The following FGF13 variants were observed in gnomAD, a reference collection of about 807,000 sequenced individuals.
The protein encoded by FGF13 is fibroblast growth factor homologous factor 2.
A neutral mutation model predicts 19.5 loss-of-function variants in FGF13; 2 were observed. The observed-to-expected ratio is 0.10, with a 90% CI of 0.04 to 0.32. The LOEUF (loss-of-function observed/expected upper bound fraction) is 0.32, where lower values mean the gene tolerates loss of function less well. FGF13 is among the 10% of genes least tolerant of loss of function. The pLI, the probability that FGF13 is intolerant of heterozygous loss-of-function variation, is 1.00. For missense variants in FGF13, 113 were observed against 192.7 expected, an observed-to-expected ratio of 0.59 and a Z score of 2.45; for synonymous variants, 72 against 76.9, an observed-to-expected ratio of 0.94 and a Z score of 0.33.
At chrX:138,897,756 G>C (rs1334028702) in intron 1 of FGF13, among the ~76,000 whole-genome samples, 1 of 111,688 alleles carries the variant, frequency 9.0e-6, no homozygotes, top group African/African-American at 3.3e-5. Flanking sequence ...ATGAGTCTCA[G>C]CCCTCACACC....
At chrX:138,882,717 A>C (rs2091433541) in intron 1 of FGF13, among the ~76,000 whole-genome samples, 2 of 111,777 alleles carry the variant, frequency 1.8e-5, no homozygotes, top group African/African-American at 6.5e-5. Flanking sequence ...AGTGCAGTAG[A>C]CCAGTGATTC....
chrX:139,018,874 A>C (rs2124381553), intron 1 of FGF13, among the ~76,000 whole-genome samples: 1 of 110,276 alleles, frequency 9.1e-6, no homozygotes, highest in East Asian at 2.9e-4. Flanking sequence ...GGTTTTTAGT[A>C]TCTTCACAGA....
chrX:139,167,198 C>T (rs1010873460), intron 1 of FGF13, among the ~76,000 whole-genome samples: 22 of 111,931 alleles, frequency 2.0e-4, no homozygotes, highest in Admixed American at 9.6e-4. Context: ...ACGGAAGCAC[C>T]TGACAAAGTA....
chrX:138,733,825 C>A (rs1344253929), intron 1 of FGF13, among the ~76,000 whole-genome samples: 1 of 109,894 alleles, frequency 9.1e-6, no homozygotes, highest in Non-Finnish European at 1.9e-5. Context: ...AGCCAAGAGA[C>A]TGTTTAACAA....
At chrX:138,671,503 T>G (rs2089611198) in intron 3 of FGF13, among the ~76,000 whole-genome samples, 1 of 111,892 alleles carries the variant, frequency 8.9e-6, no homozygotes, top group Non-Finnish European at 1.9e-5. Flanking sequence ...AATTAAATAT[T>G]GTAGGCAACA....
chrX:139,172,765 G>C (rs139706654), intron 1 of FGF13, among the ~76,000 whole-genome samples: 1 of 111,423 alleles, frequency 9.0e-6, no homozygotes, highest in Non-Finnish European at 1.9e-5. Flanking sequence ...CTCAAATCAG[G>C]ATACAAATTT....
At chrX:138,698,687 T>C (rs1478949889) in intron 3 of FGF13, among the ~76,000 whole-genome samples, 3 of 111,863 alleles carry the variant, frequency 2.7e-5, no homozygotes, top group African/African-American at 9.7e-5. Flanking sequence ...GGTCCAAATG[T>C]AACACAAAGA....
intron 3 of FGF13, among the ~76,000 whole-genome samples, chrX:138,794,903 A>C (rs2090767702): frequency 2.7e-5 from 3 of 112,110 alleles, no homozygotes; most frequent in Non-Finnish European, 5.6e-5. Flanking sequence ...GTTTGTCCTT[A>C]ACTGAAGAGG....
At chrX:138,822,709 A>C (rs1423812157) in intron 3 of FGF13, among the ~76,000 whole-genome samples, 2 of 112,512 alleles carry the variant, frequency 1.8e-5, no homozygotes, top group Non-Finnish European at 3.7e-5. Flanking sequence ...AATTTCAAAA[A>C]TAAAGAATCT....
intron 3 of FGF13, among the ~76,000 whole-genome samples, chrX:138,702,491 T>C (rs970234427): frequency 8.9e-6 from 1 of 112,102 alleles, no homozygotes; most frequent in African/African-American, 3.2e-5. Context: ...TAAATAGTGC[T>C]TATATTTAAA....
At position 138,624,311 on chromosome X, in the gene FGF13, A is replaced by C. The variant is rs1602629426; in HGVS notation, c.*8539T>G. ...CAAATCTTCAACAAAGGCACTAAAA[A>C]CACATCATGGGGAAATATAGTCCAT... is the stretch of plus-strand genomic sequence containing the variant. On this transcript the variant is annotated 3_prime_UTR_variant, in exon 5 of 5. Transcript: ENST00000315930. The C allele has an allele frequency of 8.9e-6, 1 of 111,981 alleles. No homozygotes were observed. Among genetic ancestry groups the C allele is most frequent in the Non-Finnish European group, 1.9e-5 (1 of 53,246 alleles). 9.2% of individuals were successfully genotyped at this position (111,981 alleles called of 1,213,427 possible).
At chrX:139,173,959 T>C (rs986744996) in intron 1 of FGF13, among the ~76,000 whole-genome samples, 6 of 112,019 alleles carry the variant, frequency 5.4e-5, no homozygotes, top group African/African-American at 1.9e-4. Flanking sequence ...TGGTTCTAGA[T>C]CCTTGAGGAA....
At chrX:138,714,049 C>A (rs2090079083), upstream of FGF13, 1 of 111,069 alleles carries the variant, frequency 9.0e-6, no homozygotes, top group African/African-American at 3.3e-5. Flanking sequence ...CGAGACTCTC[C>A]CTCTGTCACA....
At chrX:138,886,875 A>G (rs886761387) in intron 1 of FGF13, among the ~76,000 whole-genome samples, 6 of 112,111 alleles carry the variant, frequency 5.4e-5, no homozygotes, top group Non-Finnish European at 7.5e-5. Flanking sequence ...CCTGGATTCA[A>G]TAGTCACTTT....
intron 3 of FGF13, among the ~76,000 whole-genome samples, chrX:138,702,053 C>A (rs1602719368): frequency 8.9e-6 from 1 of 111,902 alleles, no homozygotes; most frequent in South Asian, 3.7e-4. Context: ...GAGGCCATGG[C>A]AGGCGGATCA....
intron 1 of FGF13, among the ~76,000 whole-genome samples, chrX:139,058,429 C>A (rs1247736437): frequency 8.9e-6 from 1 of 111,959 alleles, no homozygotes; most frequent in Non-Finnish European, 1.9e-5. Flanking sequence ...TCCTTCAATT[C>A]TTCCTTCCTT....
At chrX:138,684,147 T>C (rs1380773676) in intron 3 of FGF13, among the ~76,000 whole-genome samples, 1 of 111,646 alleles carries the variant, frequency 9.0e-6, no homozygotes, top group African/African-American at 3.2e-5. Context: ...GCATGCAAAG[T>C]TAAGGGATTT....
At chrX:139,043,820 C>T (rs753126578) in intron 1 of FGF13, among the ~76,000 whole-genome samples, 40 of 112,187 alleles carry the variant, frequency 3.6e-4, no homozygotes, top group Admixed American at 1.8e-3. Context: ...TGCTACATCA[C>T]GGTTGAACTC....
Position 138,759,943 on chromosome X carries a change from T to C in FGF13, c.218-51015A>G, listed in dbSNP as rs565846232. Among the ~76,000 whole-genome samples, 60 of 111,710 alleles carry C rather than the reference T, an allele frequency of 5.4e-4. 1 individual carries two copies. The South Asian group carries it at 5.4e-3, about 10-fold the overall frequency. Reference sequence around the variant, plus strand: ...ACCTAACGATTAGCACCAGTGATTTTATGAATGAAAACAGCCTTTAATAAA... The same window carrying C: ...ACCTAACGATTAGCACCAGTGATTTCATGAATGAAAACAGCCTTTAATAAA... On this transcript the variant is annotated intron_variant, in intron 3 of 6. Coordinates refer to the FGF13 transcript ENST00000436198.
Sources: allele counts gnomAD v4.1 joint callset (sites outside exome capture counted in the v4.1 genomes callset), GRCh38; gene constraint gnomAD v4.1.1; transcripts MANE v1.5; gene names NCBI Gene and HGNC (gene_info 2026-07-23, HGNC 2026-07-21).